Variants in RANBP17 observed in about 807,000 individuals in gnomAD.
The protein encoded by RANBP17 is RAN binding protein 17.
Under a neutral mutation model 141.2 loss-of-function variants are expected in RANBP17, and 158 were observed. That is an observed-to-expected ratio of 1.12 (90% CI 0.98 to 1.28). RANBP17 has a LOEUF of 1.28. Among genes scored for constraint, RANBP17 ranks in the 50% most tolerant of loss-of-function variants. RANBP17 has a pLI of 0.00. For synonymous variants in RANBP17, 430 were observed against 450.0 expected, an observed-to-expected ratio of 0.96 and a Z score of 0.56; for missense variants, 1,438 against 1,290.7, an observed-to-expected ratio of 1.11 and a Z score of -1.75.
intron 25 of RANBP17, among the ~76,000 whole-genome samples, chr5:171,280,931 AC>A (rs1170374434): frequency 6.6e-6 from 1 of 152,214 alleles, no homozygotes; most frequent in African/African-American, 2.4e-5. Flanking sequence ...CAGTCGGTAT[AC>A]CTGGTTTTGA....
At chr5:170,888,379 G>A (rs1245451433) in intron 3 of RANBP17, among the ~76,000 whole-genome samples, 2 of 151,824 alleles carry the variant, frequency 1.3e-5, no homozygotes, top group Non-Finnish European at 2.9e-5. Flanking sequence ...GATCTTCTTT[G>A]GTTTATTTTA....
chr5:170,967,879 C>G (rs992502966), intron 13 of RANBP17, among the ~76,000 whole-genome samples: 5 of 151,326 alleles, frequency 3.3e-5, no homozygotes, highest in African/African-American at 1.2e-4. Context: ...ACTTAATATC[C>G]TTCTTCTTTT....
chr5:170,971,234 GATGT>G (rs776294228), intron 14 of RANBP17, among the ~76,000 whole-genome samples: 1 of 152,212 alleles, frequency 6.6e-6, no homozygotes, highest in Non-Finnish European at 1.5e-5. Flanking sequence ...TGTCCTAAGT[GATGT>G]ATGTGATAGA....
chr5:170,907,499 T>G (rs892767564), intron 5 of RANBP17, among the ~76,000 whole-genome samples: 3 of 151,988 alleles, frequency 2.0e-5, no homozygotes, highest in Admixed American at 1.3e-4. Context: ...TATATGGATC[T>G]TAATAAGATT....
At chr5:171,088,174 G>A (rs1253859037) in intron 14 of RANBP17, among the ~76,000 whole-genome samples, 4 of 150,694 alleles carry the variant, frequency 2.7e-5, no homozygotes, top group Admixed American at 6.6e-5. Flanking sequence ...TGACAAAATC[G>A]GTCAGCATTT....
intron 14 of RANBP17, among the ~76,000 whole-genome samples, chr5:171,051,416 A>T (rs1392086808): frequency 6.6e-6 from 1 of 152,118 alleles, no homozygotes; most frequent in Non-Finnish European, 1.5e-5. Flanking sequence ...CCCCTTGAAG[A>T]TAATACTAAT....
intron 5 of RANBP17, 31 bp from the exon 6 acceptor site, chr5:170,909,629 TG>T: frequency 1.0e-6 from 1 of 991,486 alleles, no homozygotes; most frequent in Non-Finnish European, 1.5e-6. Context: ...TTCATAGGTC[TG>T]GTTAAACTAA....
chr5:171,141,452 A>G (rs1757688564), intron 14 of RANBP17, among the ~76,000 whole-genome samples: 1 of 150,802 alleles, frequency 6.6e-6, no homozygotes, highest in Non-Finnish European at 1.5e-5. Context: ...AAAAAAATAC[A>G]AAAAATTAGC....
rs376604487 is a variant in RANBP17 at position 170,999,866 on chromosome 5, A to G, written c.1710+31489A>G. On this transcript the variant is annotated intron_variant, in intron 14 of 27. Transcript: ENST00000523189. ...CATCTCCAGAAGTCTTTTCATCTGC[A>G]CAACTGAAACACTATACCCATTAAA... Among the ~76,000 whole-genome samples the G allele has an allele frequency of 1.5e-4, 23 of 152,260 alleles. 1 individual carries two copies. In the East Asian group the frequency reaches 3.9e-3, roughly 26 times the overall value.
chr5:171,199,742 T>G lies in RANBP17; in HGVS notation c.2111T>G (p.Phe704Cys). 1 of 1,608,366 alleles carries G rather than the reference T, an allele frequency of 6.2e-7. No individual in the cohort carries two copies. Among genetic ancestry groups the G allele is most frequent in the Non-Finnish European group, 8.5e-7 (1 of 1,175,954 alleles). ...GCTTTTGAAACAGTATTACAAATAT[T>G]CAACAACAACTTTAAACAAGAAGAT... is the stretch of plus-strand genomic sequence containing the variant. ...TVAFETVLQI[F>C]NNNFKQEDVK... Residue 704 changes from phenylalanine to cysteine, a missense_variant, in exon 19 of 28, where the codon TTC (phenylalanine) becomes TGC (cysteine). Physicochemically the swap from Phe to Cys is radical, Grantham distance 205. Coordinates refer to ENST00000523189, the MANE Select transcript of RANBP17 (RefSeq NM_022897.5).
At chr5:171,116,330 A>G (rs185186272) in intron 14 of RANBP17, among the ~76,000 whole-genome samples, 1 of 152,130 alleles carries the variant, frequency 6.6e-6, no homozygotes, top group African/African-American at 2.4e-5. Flanking sequence ...CATCTTCTAC[A>G]AAGAGGGACT....
intron 14 of RANBP17, among the ~76,000 whole-genome samples, chr5:171,088,782 C>T (rs1317791957): frequency 2.0e-5 from 3 of 152,232 alleles, no homozygotes; most frequent in South Asian, 2.1e-4. Flanking sequence ...GCATTCTTCA[C>T]GTAGTTCTCG....
chr5:170,969,845 A>G (rs10071274), intron 14 of RANBP17, among the ~76,000 whole-genome samples: 104,446 of 151,790 alleles, frequency 0.69, 36,114 homozygotes, highest in South Asian at 0.89. Context: ...AATGGTATTG[A>G]CTCCTTTATT....
At chr5:170,982,569 A>G (rs1007325391) in intron 14 of RANBP17, among the ~76,000 whole-genome samples, 1 of 152,226 alleles carries the variant, frequency 6.6e-6, no homozygotes, top group Non-Finnish European at 1.5e-5. Flanking sequence ...AATATCACCT[A>G]GAATGCAGAA....
intron 14 of RANBP17, among the ~76,000 whole-genome samples, chr5:171,159,984 C>T (rs1293695419): frequency 2.0e-5 from 3 of 147,234 alleles, no homozygotes; most frequent in African/African-American, 7.5e-5. Flanking sequence ...ACCTATTGAT[C>T]TGAATGGGGA....
chr5:171,142,538 A>G (rs548543580), intron 14 of RANBP17, among the ~76,000 whole-genome samples: 35 of 152,160 alleles, frequency 2.3e-4, no homozygotes, highest in Non-Finnish European at 4.4e-4. Context: ...TTGCTTTTTC[A>G]GTTATAATTC....
chr5:171,075,885 G>T (rs899124240), intron 14 of RANBP17, among the ~76,000 whole-genome samples: 1 of 152,020 alleles, frequency 6.6e-6, no homozygotes, highest in African/African-American at 2.4e-5. Context: ...CCTAGGAGGC[G>T]GAGGTTGCAG....
intron 22 of RANBP17, among the ~76,000 whole-genome samples, chr5:171,230,639 G>A (rs367885326): frequency 6.6e-6 from 1 of 152,054 alleles, no homozygotes; most frequent in Non-Finnish European, 1.5e-5. Flanking sequence ...GCGGGCACCT[G>A]TAATCCCAGC....
chr5:171,164,328 G>T lies in RANBP17; in HGVS notation c.1711-5802G>T, dbSNP rs187297041. The stretch of plus-strand genomic sequence containing the variant: ...AGACTAAGGATTAGGATTGGTAAAA[G>T]AAATTTTAAAAATTATTTCGGCACA... On this transcript the variant is annotated intron_variant, in intron 14 of 27. Coordinates refer to ENST00000523189, the MANE Select transcript of RANBP17 (RefSeq NM_022897.5). Among the ~76,000 whole-genome samples the T allele has an allele frequency of 1.1e-4, 16 of 152,236 alleles. No individual in the cohort carries two copies. The East Asian group carries it at 3.1e-3, about 29-fold the overall frequency.
Sources: gnomAD v4.1 joint callset for allele counts (sites outside exome capture counted in the v4.1 genomes callset) on GRCh38, gnomAD v4.1.1 for gene constraint, MANE v1.5 for transcripts, NCBI Gene and HGNC (gene_info 2026-07-23, HGNC 2026-07-21) for gene names.